Variants in VSNL1 observed in about 807,000 individuals in gnomAD.
The protein encoded by VSNL1 is visinin-like protein 1.
In VSNL1, 6 loss-of-function variants were observed where a neutral mutation model predicts 20.4. The observed-to-expected ratio is 0.29, with a 90% CI of 0.16 to 0.58. The LOEUF is 0.58. Ranked by LOEUF, VSNL1 falls within the 20% of genes least tolerant of loss-of-function variation. The probability of loss-of-function intolerance (pLI) is 0.90; values close to 1 mark genes in which losing one functional copy is unlikely to be tolerated. For synonymous variants in VSNL1, 93 were observed against 86.4 expected (o/e 1.08, Z -0.42); for missense variants, 100 against 234.5 (o/e 0.43, Z 3.75).
intron 2 of VSNL1, among the ~76,000 whole-genome samples, chr2:17,622,081 C>T (rs963167348): frequency 6.6e-6 from 1 of 152,030 alleles, no homozygotes; most frequent in Non-Finnish European, 1.5e-5. Context: ...AGTCCCTCTC[C>T]TTGCCTTCCT....
At chr2:17,621,128 A>G (rs191437222) in intron 2 of VSNL1, among the ~76,000 whole-genome samples, 12 of 152,322 alleles carry the variant, frequency 7.9e-5, no homozygotes, top group African/African-American at 1.2e-4. Flanking sequence ...AATACCTAGC[A>G]TATCACTTAA....
At chr2:17,618,026 A>G (rs1370811415) in intron 2 of VSNL1, among the ~76,000 whole-genome samples, 1 of 152,084 alleles carries the variant, frequency 6.6e-6, no homozygotes, top group Non-Finnish European at 1.5e-5. Context: ...GTACCCGGGG[A>G]AAGAATATGG....
intron 1 of VSNL1, among the ~76,000 whole-genome samples, chr2:17,589,581 G>C (rs1558291720): frequency 6.6e-6 from 1 of 152,188 alleles, no homozygotes; most frequent in Non-Finnish European, 1.5e-5. Context: ...CAACACACCT[G>C]AGTGATGGTG....
chr2:17,569,900 G>T (rs1664041892), intron 1 of VSNL1, among the ~76,000 whole-genome samples: 1 of 152,132 alleles, frequency 6.6e-6, no homozygotes, highest in Non-Finnish European at 1.5e-5. Context: ...CTTGGCTTAG[G>T]GTTCTTACTT....
intron 1 of VSNL1, among the ~76,000 whole-genome samples, chr2:17,578,350 G>A (rs1664266356): frequency 1.3e-5 from 2 of 152,202 alleles, no homozygotes. Context: ...TAAATTCTTA[G>A]ACAAAGGTAA....
intron 1 of VSNL1, among the ~76,000 whole-genome samples, chr2:17,582,766 A>G (rs913171824): frequency 6.6e-6 from 1 of 151,908 alleles, no homozygotes; most frequent in Non-Finnish European, 1.5e-5. Flanking sequence ...GTAGAATACA[A>G]TGGTGGAAAT....
chr2:17,645,386 C>A (rs752856503), intron 2 of VSNL1, among the ~76,000 whole-genome samples: 6 of 152,218 alleles, frequency 3.9e-5, no homozygotes, highest in Non-Finnish European at 5.9e-5. Flanking sequence ...AACCAGGGAT[C>A]TTTGGAGGGG....
At chr2:17,617,053 C>A (rs960228733) in intron 2 of VSNL1, among the ~76,000 whole-genome samples, 2 of 152,166 alleles carry the variant, frequency 1.3e-5, no homozygotes, top group Non-Finnish European at 2.9e-5. Context: ...TTGAGCTCCC[C>A]CCTGTTCCTT....
At position 17,570,569 on chromosome 2, in the gene VSNL1, C is replaced by A. The variant is rs372073017; in HGVS notation, c.-5-21501C>A. Reference sequence around the variant, plus strand: ...TGCAAATGGAATACACAGATTAATACAATCTGAGAAAATAAACCATAAAAG... The same window carrying A: ...TGCAAATGGAATACACAGATTAATAAAATCTGAGAAAATAAACCATAAAAG... On this transcript the variant is annotated intron_variant, in intron 1 of 3. Transcript: ENST00000295156. Among the ~76,000 whole-genome samples, 10 of 152,304 alleles carry A rather than the reference C, an allele frequency of 6.6e-5. No individual in the cohort carries two copies. The South Asian group carries it at 1.4e-3, about 22-fold the overall frequency.
At chr2:17,556,778 G>C (rs1663689191) in intron 1 of VSNL1, among the ~76,000 whole-genome samples, 1 of 152,132 alleles carries the variant, frequency 6.6e-6, no homozygotes, top group African/African-American at 2.4e-5. Flanking sequence ...CCATTCTATA[G>C]ATTCTCAATA....
At chr2:17,559,902 A>G (rs188472211) in intron 1 of VSNL1, among the ~76,000 whole-genome samples, 1 of 152,166 alleles carries the variant, frequency 6.6e-6, no homozygotes, top group African/African-American at 2.4e-5. Flanking sequence ...TTAAACTGAC[A>G]TCTTTTGCTG....
At chr2:17,592,882 C>T (rs989440952) in intron 2 of VSNL1, among the ~76,000 whole-genome samples, 1 of 151,974 alleles carries the variant, frequency 6.6e-6, no homozygotes, top group African/African-American at 2.4e-5. Flanking sequence ...ATTTCTACTG[C>T]AGTGGTATTG....
chr2:17,596,980 C>T (rs575206267), intron 2 of VSNL1, among the ~76,000 whole-genome samples: 1 of 152,354 alleles, frequency 6.6e-6, no homozygotes, highest in South Asian at 2.1e-4. Flanking sequence ...TACACTTACA[C>T]AGCCAGGATG....
chr2:17,615,250 G>T (rs543709756), intron 2 of VSNL1, among the ~76,000 whole-genome samples: 3 of 152,284 alleles, frequency 2.0e-5, no homozygotes, highest in East Asian at 3.9e-4. Flanking sequence ...AAGTGGGATT[G>T]GTGAGAGTGA....
rs79649620 is a variant in VSNL1, at chr2:17,593,490, A to G, written c.162+1254A>G. Among the ~76,000 whole-genome samples, 1,338 of 152,306 alleles carry G rather than the reference A, an allele frequency of 8.8e-3. 17 individuals are homozygous for G. Among genetic ancestry groups the G allele is most frequent in the Non-Finnish European group, 0.015 (1,047 of 68,018 alleles). On this transcript the variant is annotated intron_variant, in intron 2 of 3. Transcript: ENST00000295156. ...AATCATATAAAAAGAAAAGCAGGGA[A>G]GTGATGAACCCAAGATTCAAACGAA...
At chr2:17,610,022 T>C (rs1427206845) in intron 2 of VSNL1, among the ~76,000 whole-genome samples, 1 of 152,192 alleles carries the variant, frequency 6.6e-6, no homozygotes, top group African/African-American at 2.4e-5. Context: ...CAGAGGTCTT[T>C]ATTTAATCGC....
At chr2:17,654,646 T>C (rs1393470584) in intron 3 of VSNL1, among the ~76,000 whole-genome samples, 1 of 152,218 alleles carries the variant, frequency 6.6e-6, no homozygotes, top group South Asian at 2.1e-4. Context: ...CTATATCCAG[T>C]TGGTCACAAG....
intron 1 of VSNL1, among the ~76,000 whole-genome samples, chr2:17,588,033 T>A (rs1324308076): frequency 6.6e-6 from 1 of 152,152 alleles, no homozygotes; most frequent in Non-Finnish European, 1.5e-5. Flanking sequence ...CTTCCACCAG[T>A]CCTGTTTTGT....
At chr2:17,585,626 T>TG (rs1330313762) in intron 1 of VSNL1, among the ~76,000 whole-genome samples, 2 of 146,680 alleles carry the variant, frequency 1.4e-5, no homozygotes, top group African/African-American at 2.5e-5. Flanking sequence ...CCCATCCAGG[T>TG]GGGGGGATGG....
Sources: allele counts gnomAD v4.1 joint callset (sites outside exome capture counted in the v4.1 genomes callset), GRCh38; gene constraint gnomAD v4.1.1; transcripts MANE v1.5; gene names NCBI Gene and HGNC (gene_info 2026-07-23, HGNC 2026-07-21).